The following PID1 variants were observed in gnomAD, a reference collection of about 807,000 sequenced individuals.
PID1 encodes the protein PTB-containing, cubilin and LRP1-interacting protein.
PID1 carries 10 observed loss-of-function variants against 19.1 expected under a neutral mutation model. The observed-to-expected ratio is 0.52, with a 90% CI of 0.32 to 0.89. PID1 has a LOEUF of 0.89. PID1 is among the 40% of genes least tolerant of loss of function. PID1 has a pLI of 0.03. For missense variants in PID1, 248 were observed against 285.3 expected (o/e 0.87, Z 0.94); for synonymous variants, 130 against 116.0 (o/e 1.12, Z -0.78).
rs1281290950 is a variant in PID1 at position 229,054,724 on chromosome 2, G to T, written c.178-28616C>A. 1.8e-3 allele frequency among the ~76,000 whole-genome samples: 220 copies of T among 122,954 alleles called. 6 individuals are homozygous for T. Among genetic ancestry groups the T allele is most frequent in the African/African-American group, 6.8e-3 (205 of 30,266 alleles). 80.7% of individuals were successfully genotyped at this position (122,954 alleles called of 152,430 possible). A position where few individuals can be genotyped will look rare whatever the true frequency, so the allele number is the denominator to read the frequency against. ...ATGCAGTGTGTGTGTGTGTGTGGGGGGGGGGGGGGGTCTGGTTTTACTCAA... is the reference window on the plus strand; with the variant it reads ...ATGCAGTGTGTGTGTGTGTGTGGGGTGGGGGGGGGGTCTGGTTTTACTCAA... On this transcript the variant is annotated intron_variant, in intron 2 of 2. Coordinates refer to ENST00000392055, the MANE Select transcript of PID1 (RefSeq NM_001100818.2).
intron 1 of PID1, among the ~76,000 whole-genome samples, chr2:229,160,365 G>GGA (rs1690467793): frequency 6.9e-6 from 1 of 144,290 alleles, no homozygotes; most frequent in East Asian, 2.0e-4. Context: ...AACAGAAAAA[G>GGA]AAAAAAGAAA....
At chr2:229,218,293 C>CAAAA (rs67801043) in intron 1 of PID1, among the ~76,000 whole-genome samples, 27 of 67,580 alleles carry the variant, frequency 4.0e-4, no homozygotes, top group African/African-American at 7.7e-4. Flanking sequence ...GTTTCCTGAG[C>CAAAA]AAAAAAAAAA....
chr2:229,037,018 T>C (rs1693678468), intron 2 of PID1, among the ~76,000 whole-genome samples: 1 of 152,198 alleles, frequency 6.6e-6, no homozygotes, highest in Admixed American at 6.5e-5. Flanking sequence ...CATACAGACT[T>C]ACTCTTAATT....
At chr2:229,030,240 G>A (rs1693517886) in intron 2 of PID1, among the ~76,000 whole-genome samples, 1 of 152,164 alleles carries the variant, frequency 6.6e-6, no homozygotes, top group Non-Finnish European at 1.5e-5. Context: ...TAGAATTGTG[G>A]TTGCCGGGGG....
At chr2:229,169,913 C>T (rs180745306) in intron 1 of PID1, among the ~76,000 whole-genome samples, 36 of 152,246 alleles carry the variant, frequency 2.4e-4, no homozygotes, top group Admixed American at 1.3e-3. Flanking sequence ...AGTGAAGCAA[C>T]GAGTCCAAGG....
chr2:229,226,100 A>C (rs1692071920), intron 1 of PID1, among the ~76,000 whole-genome samples: 1 of 152,210 alleles, frequency 6.6e-6, no homozygotes, highest in African/African-American at 2.4e-5. Context: ...CTCCTCTTAA[A>C]GTCACTTCAG....
intron 2 of PID1, among the ~76,000 whole-genome samples, chr2:229,113,652 G>A (rs1695349805): frequency 2.0e-5 from 3 of 150,094 alleles, no homozygotes; most frequent in Admixed American, 1.3e-4. Flanking sequence ...GAAGACTGAG[G>A]CACAGTGAGG....
chr2:229,236,081 T>C (rs893927231), intron 1 of PID1, among the ~76,000 whole-genome samples: 1 of 152,110 alleles, frequency 6.6e-6, no homozygotes, highest in Non-Finnish European at 1.5e-5. Context: ...CACCCGAAGA[T>C]GATCTGTTGA....
chr2:229,247,468 T>C (rs1303974860), intron 1 of PID1, among the ~76,000 whole-genome samples: 1 of 152,170 alleles, frequency 6.6e-6, no homozygotes, highest in African/African-American at 2.4e-5. Flanking sequence ...CAACTACAAC[T>C]AAATTGCTGT....
At chr2:229,144,150 C>A (rs1690076548) in intron 2 of PID1, among the ~76,000 whole-genome samples, 1 of 152,104 alleles carries the variant, frequency 6.6e-6, no homozygotes, top group African/African-American at 2.4e-5. Flanking sequence ...AAGAAACTTT[C>A]AGATATAAAA....
intron 2 of PID1, among the ~76,000 whole-genome samples, chr2:229,129,991 C>T (rs1003990002): frequency 6.6e-6 from 1 of 152,162 alleles, no homozygotes; most frequent in African/African-American, 2.4e-5. Flanking sequence ...GAAACTGAAA[C>T]GGTCACACCA....
chr2:229,041,709 C>A (rs1693773835), intron 2 of PID1, among the ~76,000 whole-genome samples: 1 of 152,172 alleles, frequency 6.6e-6, no homozygotes, highest in South Asian at 2.1e-4. Flanking sequence ...CACCCCATCA[C>A]AACTAAGTGA....
chr2:229,242,144 T>C (rs934433984), intron 1 of PID1, among the ~76,000 whole-genome samples: 4 of 152,188 alleles, frequency 2.6e-5, no homozygotes, highest in Non-Finnish European at 5.9e-5. Context: ...GTAGCTGAGA[T>C]TACAGGTGGG....
intron 2 of PID1, among the ~76,000 whole-genome samples, chr2:229,127,667 C>T (rs1695650896): frequency 6.6e-6 from 1 of 152,186 alleles, no homozygotes; most frequent in African/African-American, 2.4e-5. Context: ...TCCCCGGCCT[C>T]CACCCACTAG....
At chr2:229,145,933 A>G (rs1212234571) in intron 2 of PID1, among the ~76,000 whole-genome samples, 6 of 152,216 alleles carry the variant, frequency 3.9e-5, no homozygotes, top group Non-Finnish European at 5.9e-5. Flanking sequence ...TATGAGTAAG[A>G]TGCTACCTTT....
chr2:229,110,143 G>A (rs986763334), intron 2 of PID1, among the ~76,000 whole-genome samples: 4 of 152,186 alleles, frequency 2.6e-5, no homozygotes, highest in Admixed American at 1.3e-4. Context: ...CCTGACAAGC[G>A]TGTTAACAAG....
chr2:229,084,419 A>G (rs1020632850), intron 2 of PID1, among the ~76,000 whole-genome samples: 7 of 152,134 alleles, frequency 4.6e-5, no homozygotes, highest in African/African-American at 1.7e-4. Context: ...TTTCTTTCTA[A>G]CTGGTAATGG....
chr2:229,245,395 A>G (rs188762192), intron 1 of PID1, among the ~76,000 whole-genome samples: 2 of 152,242 alleles, frequency 1.3e-5, no homozygotes, highest in Admixed American at 1.3e-4. Context: ...GAAAAAGGCA[A>G]CTTGTATTGC....
intron 1 of PID1, among the ~76,000 whole-genome samples, chr2:229,196,873 T>C (rs1691388384): frequency 6.6e-6 from 1 of 152,108 alleles, no homozygotes; most frequent in Non-Finnish European, 1.5e-5. Context: ...AAGATCTGTC[T>C]TTTATTAAAG....
Sources: gnomAD v4.1 joint callset for allele counts (sites outside exome capture counted in the v4.1 genomes callset) on GRCh38, gnomAD v4.1.1 for gene constraint, MANE v1.5 for transcripts, NCBI Gene and HGNC (gene_info 2026-07-23, HGNC 2026-07-21) for gene names.